Variants in DLG2 observed in about 807,000 individuals in gnomAD.
DLG2 encodes discs large MAGUK scaffold protein 2, also known as disks large homolog 2.
Under a neutral mutation model 132.5 loss-of-function variants are expected in DLG2, and 45 were observed. That is an observed-to-expected ratio of 0.34 (90% CI 0.27 to 0.44). DLG2 has a LOEUF of 0.44. Among genes scored for constraint, DLG2 ranks in the 20% least tolerant of loss-of-function variants. DLG2 has a pLI of 1.00. For missense variants in DLG2, 1,045 were observed against 1,196.9 expected, an observed-to-expected ratio of 0.87 and a Z score of 1.87; for synonymous variants, 424 against 419.6, an observed-to-expected ratio of 1.01 and a Z score of -0.13.
At chr11:85,593,865 T>C (rs1284760806) in intron 3 of DLG2, among the ~76,000 whole-genome samples, 6 of 152,156 alleles carry the variant, frequency 3.9e-5, no homozygotes, top group African/African-American at 7.2e-5. Context: ...ATCATTATAA[T>C]TGAATAATAA....
chr11:84,519,907 T>C (rs1264958136), intron 7 of DLG2, among the ~76,000 whole-genome samples: 1 of 152,200 alleles, frequency 6.6e-6, no homozygotes, highest in African/African-American at 2.4e-5. Flanking sequence ...TGCAATATTT[T>C]TGTGGGTATA....
chr11:83,472,348 C>T (rs919665), intron 23 of DLG2, among the ~76,000 whole-genome samples: 51,830 of 151,982 alleles, frequency 0.34, 9,864 homozygotes, highest in African/African-American at 0.52. Flanking sequence ...AGATAGCCTA[C>T]ATCTTAGGCA....
intron 9 of DLG2, among the ~76,000 whole-genome samples, chr11:84,150,106 G>A (rs1368827353): frequency 1.3e-5 from 2 of 152,124 alleles, no homozygotes; most frequent in Non-Finnish European, 2.9e-5. Context: ...AACAATGTTG[G>A]TAATGTGATA....
At chr11:83,868,493 C>T (rs963850629) in intron 16 of DLG2, among the ~76,000 whole-genome samples, 1 of 151,968 alleles carries the variant, frequency 6.6e-6, no homozygotes, top group East Asian at 1.9e-4. Flanking sequence ...GAGAATGACA[C>T]ATACATATAA....
intron 18 of DLG2, among the ~76,000 whole-genome samples, chr11:83,699,937 GCACACACACA>G (rs140957816): frequency 7.0e-6 from 1 of 142,316 alleles, no homozygotes; most frequent in Non-Finnish European, 1.5e-5. Flanking sequence ...CACCACACAT[GCACACACACA>G]CACACACACA....
intron 3 of DLG2, among the ~76,000 whole-genome samples, chr11:85,382,651 A>G (rs2085986415): frequency 6.6e-6 from 1 of 152,146 alleles, no homozygotes; most frequent in Non-Finnish European, 1.5e-5. Context: ...AACAACAGAA[A>G]GACAACTCAA....
intron 19 of DLG2, among the ~76,000 whole-genome samples, chr11:83,564,102 GTT>G (rs5793072): frequency 6.8e-6 from 1 of 146,382 alleles, no homozygotes; most frequent in Non-Finnish European, 1.5e-5. Flanking sequence ...TTTTTCATGT[GTT>G]TTTTTTTTTG....
chr11:84,823,119 T>C (rs1023477832), intron 6 of DLG2, among the ~76,000 whole-genome samples: 2 of 151,794 alleles, frequency 1.3e-5, no homozygotes, highest in Non-Finnish European at 2.9e-5. Context: ...ATTAAAGGTG[T>C]TCAATAAACA....
intron 7 of DLG2, among the ~76,000 whole-genome samples, chr11:84,464,184 T>C (rs2099087911): frequency 6.6e-6 from 1 of 151,160 alleles, no homozygotes; most frequent in African/African-American, 2.4e-5. Context: ...GGAGCATATA[T>C]GAATATTACA....
At chr11:84,740,776 G>A (rs750211135) in intron 6 of DLG2, among the ~76,000 whole-genome samples, 2 of 152,060 alleles carry the variant, frequency 1.3e-5, no homozygotes, top group Non-Finnish European at 2.9e-5. Context: ...TCTTACCCAG[G>A]GCAAAGCCAC....
chr11:84,155,853 C>G (rs2095417811), intron 9 of DLG2, among the ~76,000 whole-genome samples: 2 of 151,944 alleles, frequency 1.3e-5, no homozygotes, highest in Admixed American at 1.3e-4. Context: ...AATAATATAC[C>G]AAGGAGTTTA....
intron 3 of DLG2, among the ~76,000 whole-genome samples, chr11:85,298,084 A>C (rs1263007998): frequency 6.6e-6 from 1 of 152,152 alleles, no homozygotes; most frequent in Non-Finnish European, 1.5e-5. Flanking sequence ...TTTGGTGAGG[A>C]GGGTATCTGT....
At chr11:85,572,372 A>C (rs2077893843) in intron 3 of DLG2, among the ~76,000 whole-genome samples, 1 of 152,168 alleles carries the variant, frequency 6.6e-6, no homozygotes, top group Non-Finnish European at 1.5e-5. Flanking sequence ...GACCTTGCAG[A>C]TGGCACTCAA....
At chr11:85,243,314 T>A (rs1271133162) in intron 4 of DLG2, among the ~76,000 whole-genome samples, 1 of 152,036 alleles carries the variant, frequency 6.6e-6, no homozygotes, top group African/African-American at 2.4e-5. Context: ...TGTTTTCCAC[T>A]GTGACTAGAC....
At chr11:84,472,694 G>C (rs1602744656) in intron 7 of DLG2, among the ~76,000 whole-genome samples, 1 of 151,676 alleles carries the variant, frequency 6.6e-6, no homozygotes, top group African/African-American at 2.4e-5. Context: ...ATTTATTGAG[G>C]GTCAAAAACT....
At chr11:85,065,778 G>T (rs2154162767) in intron 6 of DLG2, among the ~76,000 whole-genome samples, 1 of 150,994 alleles carries the variant, frequency 6.6e-6, no homozygotes, top group Middle Eastern at 3.4e-3. Flanking sequence ...AATAAAAATA[G>T]AGATAAAATA....
chr11:85,498,133 G>T, intron 3 of DLG2, among the ~76,000 whole-genome samples: 1 of 152,110 alleles, frequency 6.6e-6, no homozygotes, highest in East Asian at 1.9e-4. Flanking sequence ...ACACAGACTG[G>T]CAAATAAAAT....
chr11:84,517,576 A>G (rs1212420598), intron 7 of DLG2, among the ~76,000 whole-genome samples: 1 of 152,020 alleles, frequency 6.6e-6, no homozygotes, highest in Admixed American at 6.6e-5. Flanking sequence ...CATTATGAAA[A>G]AGAGTATATA....
chr11:85,371,974 G>A (rs1349490185), intron 3 of DLG2, among the ~76,000 whole-genome samples: 1 of 152,178 alleles, frequency 6.6e-6, no homozygotes, highest in African/African-American at 2.4e-5. Context: ...TAACAAAAAT[G>A]AGAACTGGAG....
Sources: allele counts gnomAD v4.1 joint callset (sites outside exome capture counted in the v4.1 genomes callset), GRCh38; gene constraint gnomAD v4.1.1; transcripts MANE v1.5; gene names NCBI Gene and HGNC (gene_info 2026-07-23, HGNC 2026-07-21).